SESTD1: variants seen among roughly 807,000 people sequenced by gnomAD.
SESTD1 encodes the protein SEC14 and spectrin domain containing 1.
SESTD1 carries 43 observed loss-of-function variants against 101.7 expected under a neutral mutation model. That is an observed-to-expected ratio of 0.42 (90% confidence interval 0.33 to 0.55). The LOEUF is 0.55. SESTD1 is among the 20% of genes least tolerant of loss of function. The probability of loss-of-function intolerance (pLI) is 0.07; values close to 1 mark genes in which losing one functional copy is unlikely to be tolerated. For missense variants in SESTD1, 647 were observed against 815.1 expected (o/e 0.79, Z 2.51); for synonymous variants, 283 against 286.8 (o/e 0.99, Z 0.13).
At chr2:179,141,640 G>T (rs1355370000) in intron 9 of SESTD1, among the ~76,000 whole-genome samples, 1 of 151,774 alleles carries the variant, frequency 6.6e-6, no homozygotes, top group Non-Finnish European at 1.5e-5. Context: ...TATTATTGTT[G>T]TTGCGGTTAC....
At position 179,117,587 on chromosome 2, in the gene SESTD1, C is replaced by T. The variant is rs1178162576; in HGVS notation, c.1469G>A (p.Arg490Lys). Residue 490 changes from arginine (R) to lysine (K), a missense_variant, in exon 14 of 18, where the codon AGG becomes AAG. Coordinates refer to ENST00000428443, the MANE Select transcript of SESTD1 (RefSeq NM_178123.5). ...CTGCACCATCTGAAGCATCTTTAAC[C>T]TTCGCACATCTACCATGTCTTCACA... ...QRCEDMVDVR[R>K]LKMLQMVQLF... 3 of 1,584,150 alleles carry T rather than the reference C, an allele frequency of 1.9e-6. No homozygotes were observed. Among genetic ancestry groups the T allele is most frequent in the Non-Finnish European group, 2.6e-6 (3 of 1,170,384 alleles).
chr2:179,115,031 C>A, intron 16 of SESTD1, 34 bp downstream of exon 16: 1 of 1,570,704 alleles, frequency 6.4e-7, no homozygotes, highest in South Asian at 1.2e-5. Flanking sequence ...TAATCAATAC[C>A]ACTGAGAATA....
chr2:179,241,950 C>T (rs1214492290), intron 1 of SESTD1, among the ~76,000 whole-genome samples: 1 of 148,732 alleles, frequency 6.7e-6, no homozygotes, highest in Non-Finnish European at 1.5e-5. Flanking sequence ...AAATTAAGAA[C>T]AGGCAGGAAG....
At chr2:179,158,382 T>C (rs974204446) in intron 5 of SESTD1, among the ~76,000 whole-genome samples, 5 of 152,198 alleles carry the variant, frequency 3.3e-5, no homozygotes, top group African/African-American at 9.6e-5. Flanking sequence ...TCTACTTTTA[T>C]AGTTCCTAAA....
chr2:179,159,093 C>T (rs374771656), intron 5 of SESTD1, among the ~76,000 whole-genome samples: 12 of 152,240 alleles, frequency 7.9e-5, no homozygotes, highest in African/African-American at 2.4e-4. Context: ...AGGGAAAAGA[C>T]ATTTAAGAGT....
intron 1 of SESTD1, among the ~76,000 whole-genome samples, chr2:179,224,378 A>G (rs2046853880): frequency 6.6e-6 from 1 of 152,212 alleles, no homozygotes; most frequent in African/African-American, 2.4e-5. Flanking sequence ...GTTATGCAGC[A>G]AAACTGGCAT....
chr2:179,173,044 A>G lies in SESTD1; in HGVS notation c.256-811T>C, dbSNP rs545273503. ...GCTCAGGCCCCTGTTGGCCTCTCAG[A>G]TCTCATCTTACACCTTCCCCTGCTA... On this transcript the variant is annotated intron_variant, in intron 4 of 17. Coordinates refer to ENST00000428443, the MANE Select transcript of SESTD1 (RefSeq NM_178123.5). Among the ~76,000 whole-genome samples the G allele has an allele frequency of 2.0e-5, 3 of 152,180 alleles. No homozygotes were observed. The East Asian group carries it at 5.8e-4, about 29-fold the overall frequency.
intron 12 of SESTD1, among the ~76,000 whole-genome samples, chr2:179,122,504 A>G (rs1319414285): frequency 6.6e-6 from 1 of 152,150 alleles, no homozygotes; most frequent in African/African-American, 2.4e-5. Flanking sequence ...TTTTTTAAAC[A>G]AAGACTGTGG....
intron 13 of SESTD1, among the ~76,000 whole-genome samples, chr2:179,120,584 C>T (rs1351138429): frequency 2.0e-5 from 3 of 152,128 alleles, no homozygotes; most frequent in South Asian, 2.1e-4. Flanking sequence ...AAGATGAAAT[C>T]GAAAAGTCAG....
At chr2:179,262,198 A>G (rs1204061290) in intron 1 of SESTD1, among the ~76,000 whole-genome samples, 1 of 152,168 alleles carries the variant, frequency 6.6e-6, no homozygotes, top group East Asian at 1.9e-4. Context: ...TGGTTGTCAA[A>G]TATGGGGAAG....
rs993172204 is a variant in SESTD1, at chr2:179,127,338, T to C, written c.973-2780A>G. On this transcript the variant is annotated intron_variant, in intron 10 of 17. Coordinates refer to ENST00000428443, the MANE Select transcript of SESTD1 (RefSeq NM_178123.5). ...AGAGGCCTTTCCTAAAATCTATACC[T>C]ATATTGCTTTCCGCTCCCCAACTTG... Among the ~76,000 whole-genome samples, 10 of 152,352 alleles carry C rather than the reference T, an allele frequency of 6.6e-5. No individual in the cohort carries two copies. In the South Asian group the frequency reaches 2.1e-3, roughly 32 times the overall value.
chr2:179,210,575 A>G (rs1459578205), intron 1 of SESTD1, among the ~76,000 whole-genome samples: 1 of 135,404 alleles, frequency 7.4e-6, no homozygotes, highest in Non-Finnish European at 1.6e-5. Flanking sequence ...ACAATTAAAA[A>G]CAAAAATCAT....
chr2:179,262,583 T>A (rs965852444), intron 1 of SESTD1, among the ~76,000 whole-genome samples: 1 of 152,188 alleles, frequency 6.6e-6, no homozygotes, highest in Non-Finnish European at 1.5e-5. Flanking sequence ...ATGAATGGTA[T>A]TTTTAGTAAA....
At chr2:179,200,322 A>G (rs922361129) in intron 1 of SESTD1, among the ~76,000 whole-genome samples, 10 of 152,180 alleles carry the variant, frequency 6.6e-5, no homozygotes, top group African/African-American at 1.9e-4. Flanking sequence ...GGAAGAATCA[A>G]TATCGTGAAA....
intron 2 of SESTD1, among the ~76,000 whole-genome samples, chr2:179,183,891 A>G (rs1413388702): frequency 6.8e-6 from 1 of 147,866 alleles, no homozygotes; most frequent in Non-Finnish European, 1.5e-5. Context: ...GAAGGGAGGA[A>G]ACGAGGAAGG....
intron 1 of SESTD1, among the ~76,000 whole-genome samples, chr2:179,244,018 G>A (rs982924192): frequency 2.8e-4 from 42 of 149,840 alleles, no homozygotes; most frequent in Non-Finnish European, 4.4e-4. Context: ...TAGCTACTTG[G>A]GAGGCTCCAG....
chr2:179,259,444 G>C (rs955027692), intron 1 of SESTD1, among the ~76,000 whole-genome samples: 3 of 152,084 alleles, frequency 2.0e-5, no homozygotes, highest in African/African-American at 7.2e-5. Context: ...TGGCCAGGCT[G>C]GTCTTGAACT....
chr2:179,190,912 T>C (rs1256008578), intron 2 of SESTD1, among the ~76,000 whole-genome samples: 1 of 152,190 alleles, frequency 6.6e-6, no homozygotes, highest in African/African-American at 2.4e-5. Context: ...GAAATGCGTA[T>C]ACACTGTTGG....
At chr2:179,173,170 C>G (rs757373158) in intron 4 of SESTD1, among the ~76,000 whole-genome samples, 1 of 152,124 alleles carries the variant, frequency 6.6e-6, no homozygotes, top group Non-Finnish European at 1.5e-5. Context: ...ATGCCCTTTG[C>G]CTTATACCTA....
Sources: gnomAD v4.1 joint callset for allele counts (sites outside exome capture counted in the v4.1 genomes callset) on GRCh38, gnomAD v4.1.1 for gene constraint, MANE v1.5 for transcripts, NCBI Gene and HGNC (gene_info 2026-07-23, HGNC 2026-07-21) for gene names.